The following CHCHD6 variants were observed in gnomAD, a reference collection of about 807,000 sequenced individuals.
The protein encoded by CHCHD6 is coiled-coil-helix-coiled-coil-helix domain containing 6.
Under a neutral mutation model 32.3 loss-of-function variants are expected in CHCHD6, and 28 were observed. That is an observed-to-expected ratio of 0.87 (90% CI 0.64 to 1.19). The LOEUF is 1.19. CHCHD6 is among the 50% of genes most tolerant of loss of function. The probability of loss-of-function intolerance (pLI) is 0.00; values close to 1 mark genes in which losing one functional copy is unlikely to be tolerated. For synonymous variants in CHCHD6, 122 were observed against 117.5 expected, an observed-to-expected ratio of 1.04 and a Z score of -0.25; for missense variants, 333 against 307.0, an observed-to-expected ratio of 1.08 and a Z score of -0.63.
intron 5 of CHCHD6, among the ~76,000 whole-genome samples, chr3:126,894,291 C>G (rs1298356945): frequency 6.6e-6 from 1 of 152,184 alleles, no homozygotes; most frequent in African/African-American, 2.4e-5. Context: ...AGCCAGGAGC[C>G]CACGGTTCTC....
intron 5 of CHCHD6, among the ~76,000 whole-genome samples, chr3:126,855,596 C>G (rs1941637018): frequency 6.6e-6 from 1 of 152,148 alleles, no homozygotes; most frequent in Non-Finnish European, 1.5e-5. Context: ...CCAACACCTG[C>G]TCTCTGGGAT....
chr3:126,880,557 A>G (rs2077594700), intron 5 of CHCHD6, among the ~76,000 whole-genome samples: 2 of 152,228 alleles, frequency 1.3e-5, no homozygotes, highest in Non-Finnish European at 2.9e-5. Flanking sequence ...ATATAAACTC[A>G]TCTGATAGCC....
chr3:126,743,478 C>T (rs1002883003), intron 4 of CHCHD6, among the ~76,000 whole-genome samples: 11 of 152,212 alleles, frequency 7.2e-5, no homozygotes, highest in Non-Finnish European at 1.2e-4. Context: ...TGGCTGATTG[C>T]GGTTCCATTC....
At chr3:126,924,856 C>T (rs143274402) in intron 6 of CHCHD6, among the ~76,000 whole-genome samples, 77 of 152,328 alleles carry the variant, frequency 5.1e-4, no homozygotes, top group Non-Finnish European at 9.7e-4. Context: ...GGGTCAGAAA[C>T]CCAGCAGCCA....
In CHCHD6 at chr3:126,941,048, T is replaced by C. The variant is rs2078552088; in HGVS notation, c.567-16368T>C. Among the ~76,000 whole-genome samples the C allele has an allele frequency of 2.6e-5, 4 of 152,326 alleles. No homozygotes were observed. The South Asian group carries it at 8.3e-4, about 32-fold the overall frequency. On this transcript the variant is annotated intron_variant, in intron 6 of 7. Coordinates refer to ENST00000290913, the MANE Select transcript of CHCHD6 (RefSeq NM_032343.3). ...GAACCAAATGTATTTTTGTTGCCAA[T>C]TTTTCTATTTGTAACTTACATTATA...
intron 5 of CHCHD6, among the ~76,000 whole-genome samples, chr3:126,864,917 T>TCTCCTCCACCATCACCTC (rs1559890634): frequency 2.0e-4 from 6 of 29,434 alleles, no homozygotes; most frequent in Non-Finnish European, 3.2e-4. Context: ...ACCATCACCT[T>TCTCCTCCACCATCACCTC]CTCCTCCACC....
chr3:126,790,379 G>T (rs1415244743), intron 4 of CHCHD6, among the ~76,000 whole-genome samples: 1 of 152,158 alleles, frequency 6.6e-6, no homozygotes, highest in East Asian at 1.9e-4. Context: ...TGCCTTGCTA[G>T]GTTGGGGAAG....
chr3:126,823,221 T>C (rs1940229622), intron 4 of CHCHD6, among the ~76,000 whole-genome samples: 1 of 152,246 alleles, frequency 6.6e-6, no homozygotes, highest in Non-Finnish European at 1.5e-5. Flanking sequence ...CTAGCCAATT[T>C]TGTTTTGTTT....
chr3:126,791,178 C>T (rs1167757421), intron 4 of CHCHD6, among the ~76,000 whole-genome samples: 1 of 152,244 alleles, frequency 6.6e-6, no homozygotes, highest in East Asian at 1.9e-4. Context: ...GAATGTTCCT[C>T]TGGAAGTTTC....
chr3:126,870,547 G>A (rs570366006), intron 5 of CHCHD6, among the ~76,000 whole-genome samples: 20 of 152,186 alleles, frequency 1.3e-4, no homozygotes, highest in African/African-American at 2.4e-4. Context: ...GCTGGATGGC[G>A]CTGTGCTGTG....
chr3:126,825,657 T>A (rs1012747374), intron 4 of CHCHD6, among the ~76,000 whole-genome samples: 3 of 152,246 alleles, frequency 2.0e-5, no homozygotes, highest in African/African-American at 4.8e-5. Flanking sequence ...TCTTTCTTTA[T>A]CTCTAGTGAT....
intron 5 of CHCHD6, among the ~76,000 whole-genome samples, chr3:126,891,888 G>A (rs1325999000): frequency 6.6e-6 from 1 of 152,148 alleles, no homozygotes; most frequent in African/African-American, 2.4e-5. Flanking sequence ...CTGTGTTCCA[G>A]AGCTGCGACG....
In CHCHD6 at chr3:126,865,734, T is replaced by C. The variant is rs946372537; in HGVS notation, c.495+13004T>C. ...TCCCTGAGTCTACTCTGCATACTGC[T>C]TCTGGTATGTTTGCTAAAGATGTGT... On this transcript the variant is annotated intron_variant, in intron 5 of 7. Coordinates refer to ENST00000290913, the MANE Select transcript of CHCHD6 (RefSeq NM_032343.3). 10 of 985,192 alleles carry C rather than the reference T, an allele frequency of 1.0e-5. No individual in the cohort carries two copies. In the South Asian group the frequency reaches 1.4e-4, roughly 14 times the overall value. The allele number at this position is 985,192 out of a possible 1,614,324, so 61.0% of individuals were successfully genotyped here.
At chr3:126,754,053 C>T (rs948245504) in intron 4 of CHCHD6, among the ~76,000 whole-genome samples, 3 of 152,208 alleles carry the variant, frequency 2.0e-5, no homozygotes, top group Non-Finnish European at 2.9e-5. Context: ...TTACCCTGAT[C>T]TGTAATCTCT....
rs143511824 is a variant in CHCHD6 at position 126,831,755 on chromosome 3, C to T, written c.412-20892C>T. ...TGCGAAAGGGGAGACTCTGCCAATA[C>T]TGAAGAAGGGAAAACTCAAGCCATC... is the stretch of plus-strand genomic sequence containing the variant. On this transcript the variant is annotated intron_variant, in intron 4 of 7. Coordinates refer to ENST00000290913, the MANE Select transcript of CHCHD6 (RefSeq NM_032343.3). Among the ~76,000 whole-genome samples the T allele has an allele frequency of 9.9e-3, 1,512 of 152,290 alleles. 23 individuals are homozygous for T. Among genetic ancestry groups the T allele is most frequent in the African/African-American group, 0.034 (1,413 of 41,542 alleles).
At position 126,766,670 on chromosome 3, in the gene CHCHD6, T is replaced by C. The variant is rs1044089344; in HGVS notation, c.411+33448T>C. On this transcript the variant is annotated intron_variant, in intron 4 of 7. Transcript: ENST00000290913. ...TATGGTGCTCTCTCGGTGGCCACAA[T>C]GATGCTGCTCTTCCCACAAGCCAGG... 6.6e-6 allele frequency: 7 copies of C among 1,065,320 alleles called. No homozygotes were observed. In the Admixed American group the frequency reaches 6.8e-5, roughly 10 times the overall value. 66.0% of individuals were successfully genotyped at this position (1,065,320 alleles called of 1,614,324 possible). A position where few individuals can be genotyped will look rare whatever the true frequency, so the allele number is the denominator to read the frequency against.
At chr3:126,746,167 G>C (rs1936493669) in intron 4 of CHCHD6, among the ~76,000 whole-genome samples, 1 of 152,176 alleles carries the variant, frequency 6.6e-6, no homozygotes, top group Non-Finnish European at 1.5e-5. Context: ...GCTGGGACTA[G>C]ACACACTGGG....
At chr3:126,904,997 G>A (rs752128677) in intron 5 of CHCHD6, among the ~76,000 whole-genome samples, 20 of 152,204 alleles carry the variant, frequency 1.3e-4, no homozygotes, top group Middle Eastern at 3.2e-3. Flanking sequence ...TGCACCTGCT[G>A]CTTCCAGGAG....
chr3:126,915,566 C>T (rs990151584), intron 6 of CHCHD6, among the ~76,000 whole-genome samples: 1 of 152,214 alleles, frequency 6.6e-6, no homozygotes, highest in Non-Finnish European at 1.5e-5. Flanking sequence ...GAAAGCTGCT[C>T]CCTCCCAAGA....
Sources: allele counts gnomAD v4.1 joint callset (sites outside exome capture counted in the v4.1 genomes callset), GRCh38; gene constraint gnomAD v4.1.1; transcripts MANE v1.5; gene names NCBI Gene and HGNC (gene_info 2026-07-23, HGNC 2026-07-21).